Variants in CHRNA7 observed in about 807,000 individuals in gnomAD.
CHRNA7 encodes neuronal acetylcholine receptor subunit alpha-7.
A neutral mutation model predicts 48.0 loss-of-function variants in CHRNA7; 17 were observed. That is an observed-to-expected ratio of 0.35 (90% CI 0.24 to 0.53). The LOEUF (loss-of-function observed/expected upper bound fraction) is 0.53. Ranked by LOEUF, CHRNA7 falls within the 20% of genes least tolerant of loss-of-function variation. The probability of loss-of-function intolerance (pLI) is 0.92; values close to 1 mark genes in which losing one functional copy is unlikely to be tolerated. For synonymous variants in CHRNA7, 75 were observed against 242.3 expected (o/e 0.31, Z 6.41); for missense variants, 155 against 577.7 (o/e 0.27, Z 7.50).
intron 4 of CHRNA7, among the ~76,000 whole-genome samples, chr15:32,115,719 C>T (rs1381307452): frequency 1.3e-5 from 2 of 152,082 alleles, no homozygotes; most frequent in African/African-American, 4.8e-5. Context: ...CACGATGGCA[C>T]TTAGGGTCTG....
intron 4 of CHRNA7, among the ~76,000 whole-genome samples, chr15:32,113,779 G>A (rs945138894): frequency 4.6e-5 from 7 of 151,678 alleles, no homozygotes; most frequent in African/African-American, 1.5e-4. Flanking sequence ...TTTCCAATTC[G>A]GATTTTTTAA....
In CHRNA7 at chr15:32,149,961, T is replaced by A. The variant is rs1008612982; in HGVS notation, c.351-3946T>A. 3.3e-5 allele frequency among the ~76,000 whole-genome samples: 5 copies of A among 152,230 alleles called. No homozygotes were observed. The highest frequency in any genetic ancestry group is 2.1e-4 in the South Asian group (1 of 4,824). ...AAATCAGACAGGAAGAAACCCAAGC[T>A]TAAAATAAGCAAAACTTTGTTCCCC... On this transcript the variant is annotated intron_variant, in intron 4 of 9. Transcript: ENST00000306901. This position sits in a 1 kb window ranked among gnomAD's most constrained non-coding sequence, Gnocchi z 4.6.
chr15:32,127,589 G>A (rs1443883102), intron 4 of CHRNA7, among the ~76,000 whole-genome samples: 1 of 152,044 alleles, frequency 6.6e-6, no homozygotes, highest in Non-Finnish European at 1.5e-5. Context: ...TTCGTCACCT[G>A]TATATCCTCT....
At chr15:32,133,522 A>T (rs1045845314) in intron 4 of CHRNA7, among the ~76,000 whole-genome samples, 5 of 152,180 alleles carry the variant, frequency 3.3e-5, no homozygotes, top group Non-Finnish European at 7.3e-5. Context: ...CTTGCCCTGT[A>T]CGAGGTGGGT....
At chr15:32,139,443 C>T (rs145106930) in intron 4 of CHRNA7, among the ~76,000 whole-genome samples, 3 of 152,334 alleles carry the variant, frequency 2.0e-5, no homozygotes, top group African/African-American at 7.2e-5. Context: ...TGCCAAACTG[C>T]CTTCCAAAGT....
At chr15:32,058,139 A>T (rs1424022730) in intron 2 of CHRNA7, among the ~76,000 whole-genome samples, 2 of 152,142 alleles carry the variant, frequency 1.3e-5, no homozygotes, top group Non-Finnish European at 2.9e-5. Flanking sequence ...TCTAGGATTG[A>T]CTATCATGCT....
At chr15:32,102,978 T>G (rs1444420595) in intron 3 of CHRNA7, 1 of 152,214 alleles carries the variant, frequency 6.6e-6, no homozygotes, top group East Asian at 1.9e-4. Flanking sequence ...CCACCCAATT[T>G]GTAAGGTAAT....
At chr15:32,041,656 A>G (rs2049450391) in intron 2 of CHRNA7, among the ~76,000 whole-genome samples, 1 of 152,174 alleles carries the variant, frequency 6.6e-6, no homozygotes, top group South Asian at 2.1e-4. Flanking sequence ...ACCATTTGTA[A>G]TTGTCCCACA....
At chr15:32,125,780 G>T (rs1465139130) in intron 4 of CHRNA7, among the ~76,000 whole-genome samples, 2 of 152,136 alleles carry the variant, frequency 1.3e-5, no homozygotes, top group Non-Finnish European at 2.9e-5. Context: ...TACAGCTCAG[G>T]AATCGGTCAT....
chr15:32,094,666 CTTT>C (rs5811680), intron 2 of CHRNA7, among the ~76,000 whole-genome samples: 1 of 146,324 alleles, frequency 6.8e-6, no homozygotes, highest in Non-Finnish European at 1.5e-5. Flanking sequence ...TTTTCTTTTT[CTTT>C]TTTTTTTTTG....
At chr15:32,082,281 G>A in intron 2 of CHRNA7, among the ~76,000 whole-genome samples, 1 of 151,884 alleles carries the variant, frequency 6.6e-6, no homozygotes, top group East Asian at 1.9e-4. Context: ...CATTATTCAT[G>A]TACTTTTTCA....
Position 32,163,356 on chromosome 15 carries a change from A to G in CHRNA7, c.990+21A>G, listed in dbSNP as rs192999343. The G allele has an allele frequency of 3.9e-3, 2,627 of 679,366 alleles. 916 individuals carry two copies. In the East Asian group the frequency reaches 0.071, roughly 18 times the overall value. 42.1% of individuals were successfully genotyped at this position (679,366 alleles called of 1,614,324 possible). On this transcript the variant is annotated intron_variant, in intron 9 of 9. Transcript: ENST00000306901. The stretch of plus-strand genomic sequence containing the variant: ...AGTGGGTACGTTCCTCCCACCCCCG[A>G]TGGAGTCGGAGCCCCCCTGTAAAGG...
chr15:32,086,647 T>C (rs905244488), intron 2 of CHRNA7, among the ~76,000 whole-genome samples: 1 of 152,214 alleles, frequency 6.6e-6, no homozygotes, highest in Non-Finnish European at 1.5e-5. Context: ...CAGGAGTCCA[T>C]GTAGCATTTA....
At chr15:32,075,175 C>CT (rs1315501275) in intron 2 of CHRNA7, among the ~76,000 whole-genome samples, 1 of 151,968 alleles carries the variant, frequency 6.6e-6, no homozygotes, top group East Asian at 1.9e-4. Flanking sequence ...TCTATATTTT[C>CT]TTTTTTATAC....
At chr15:32,047,921 G>A (rs2049585291) in intron 2 of CHRNA7, among the ~76,000 whole-genome samples, 1 of 152,106 alleles carries the variant, frequency 6.6e-6, no homozygotes, top group Non-Finnish European at 1.5e-5. Flanking sequence ...TGCATCTATT[G>A]AGATAATCAT....
chr15:32,094,289 A>G (rs2050430674), intron 2 of CHRNA7, among the ~76,000 whole-genome samples: 2 of 152,370 alleles, frequency 1.3e-5, no homozygotes, highest in Middle Eastern at 3.4e-3. Flanking sequence ...GCATCGCAGA[A>G]TAACCATGAA....
Position 32,045,715 on chromosome 15 carries a change from C to T in CHRNA7, c.195+14678C>T, listed in dbSNP as rs147684312. On this transcript the variant is annotated intron_variant, in intron 2 of 9. Coordinates refer to ENST00000306901, the MANE Select transcript of CHRNA7 (RefSeq NM_000746.6). ...TAAGTTTTAGGGTACATGTGCACAA[C>T]GTGCAGGTTTGTTACATATGTATAC... 4.5e-3 allele frequency among the ~76,000 whole-genome samples: 688 copies of T among 151,538 alleles called. 3 individuals carry two copies. The highest frequency in any genetic ancestry group is 0.015 in the African/African-American group (632 of 41,280).
intron 2 of CHRNA7, among the ~76,000 whole-genome samples, chr15:32,042,319 G>A (rs2049464054): frequency 6.6e-6 from 1 of 152,106 alleles, no homozygotes; most frequent in Non-Finnish European, 1.5e-5. Flanking sequence ...CCTTGTGTCA[G>A]GTAAGCTCTC....
intron 4 of CHRNA7, among the ~76,000 whole-genome samples, chr15:32,146,901 A>G (rs1437666190): frequency 6.6e-6 from 1 of 152,236 alleles, no homozygotes; most frequent in Non-Finnish European, 1.5e-5. Context: ...AAACAAGACA[A>G]TTTTAAAGAA....
Sources: allele counts gnomAD v4.1 joint callset (sites outside exome capture counted in the v4.1 genomes callset), GRCh38; gene constraint gnomAD v4.1.1; non-coding constraint Gnocchi (gnomAD v3.1); transcripts MANE v1.5; gene names NCBI Gene and HGNC (gene_info 2026-07-23, HGNC 2026-07-21).